The following CLSTN2 variants were observed in gnomAD, a reference collection of about 807,000 sequenced individuals.
CLSTN2 encodes the protein calsyntenin-2.
A neutral mutation model predicts 101.2 loss-of-function variants in CLSTN2; 48 were observed. The observed-to-expected ratio is 0.47, with a 90% CI of 0.38 to 0.60. The LOEUF is 0.60. Ranked by LOEUF, CLSTN2 falls within the 20% of genes least tolerant of loss-of-function variation. CLSTN2 has a pLI of 0.00. For missense variants in CLSTN2, 1,160 were observed against 1,238.2 expected (o/e 0.94, Z 0.95); for synonymous variants, 481 against 463.6 (o/e 1.04, Z -0.48).
intron 1 of CLSTN2, among the ~76,000 whole-genome samples, chr3:140,034,656 CT>C (rs538521125): frequency 6.6e-6 from 1 of 152,338 alleles, no homozygotes; most frequent in African/African-American, 2.4e-5. Flanking sequence ...GCCTCCAAAG[CT>C]CTGGGAGAGT....
intron 1 of CLSTN2, among the ~76,000 whole-genome samples, chr3:140,068,915 C>T (rs907510278): frequency 1.3e-5 from 2 of 152,212 alleles, no homozygotes; most frequent in Middle Eastern, 3.2e-3. Context: ...ATTTTTGTCA[C>T]TTCAGTCATA....
At chr3:140,334,638 T>G (rs910490305) in intron 2 of CLSTN2, among the ~76,000 whole-genome samples, 3 of 152,162 alleles carry the variant, frequency 2.0e-5, no homozygotes, top group African/African-American at 7.2e-5. Context: ...AATGACAGAA[T>G]GAAGGGACAT....
At chr3:140,348,471 C>G (rs2087572443) in intron 2 of CLSTN2, among the ~76,000 whole-genome samples, 2 of 152,152 alleles carry the variant, frequency 1.3e-5, no homozygotes, top group Non-Finnish European at 2.9e-5. Context: ...GGCAGTACCC[C>G]CTACCCCAGT....
intron 8 of CLSTN2, among the ~76,000 whole-genome samples, chr3:140,521,514 G>C (rs1484846493): frequency 2.0e-5 from 3 of 152,190 alleles, no homozygotes; most frequent in African/African-American, 7.2e-5. Flanking sequence ...CCATCCTGCA[G>C]TTTAGTGACC....
intron 2 of CLSTN2, among the ~76,000 whole-genome samples, chr3:140,222,874 GA>G (rs3035937): frequency 0.069 from 9,897 of 143,160 alleles, 630 homozygotes; most frequent in African/African-American, 0.18. Context: ...AAAATTTTAA[GA>G]AAAAAAAAAA....
intron 12 of CLSTN2, among the ~76,000 whole-genome samples, chr3:140,560,260 C>T (rs186172059): frequency 1.2e-3 from 185 of 152,318 alleles, no homozygotes; most frequent in Non-Finnish European, 2.0e-3. Context: ...TGCCCCCAGG[C>T]CTCAGTGACC....
intron 8 of CLSTN2, among the ~76,000 whole-genome samples, chr3:140,529,828 T>C (rs1167592425): frequency 6.6e-6 from 1 of 152,200 alleles, no homozygotes; most frequent in Non-Finnish European, 1.5e-5. Flanking sequence ...CCTGTTGATG[T>C]TGGAGAATAT....
At chr3:140,124,891 G>A (rs1482120513) in intron 1 of CLSTN2, among the ~76,000 whole-genome samples, 2 of 152,200 alleles carry the variant, frequency 1.3e-5, no homozygotes, top group African/African-American at 4.8e-5. Flanking sequence ...TTGGCCAACA[G>A]TGAGTCCAGG....
chr3:140,030,029 C>G (rs970159823), intron 1 of CLSTN2, among the ~76,000 whole-genome samples: 1 of 152,142 alleles, frequency 6.6e-6, no homozygotes, highest in African/African-American at 2.4e-5. Flanking sequence ...TGGTCCTTTG[C>G]TTTTGTTCAG....
chr3:140,479,013 G>A (rs940517523), intron 8 of CLSTN2, among the ~76,000 whole-genome samples: 5 of 152,144 alleles, frequency 3.3e-5, no homozygotes, highest in African/African-American at 1.2e-4. Flanking sequence ...ATGCAGGAAA[G>A]GAGGTCAAAA....
chr3:140,261,362 A>G (rs760568073), intron 2 of CLSTN2, among the ~76,000 whole-genome samples: 2 of 152,158 alleles, frequency 1.3e-5, no homozygotes, highest in Admixed American at 6.5e-5. Flanking sequence ...GTTAACAGCT[A>G]TGGCCATGGG....
rs1935012796 is a variant in CLSTN2 at position 139,935,982 on chromosome 3, C to T, written c.109+499C>T. Among the ~76,000 whole-genome samples the T allele has an allele frequency of 6.6e-6, 1 of 151,922 alleles. No individual in the cohort carries two copies. The highest frequency in any genetic ancestry group is 1.5e-5 in the Non-Finnish European group (1 of 67,928). ...GGCCCCGCTGACACTCCTCAAGCTC[C>T]CCCAGGGCGTCTCTGACTCCCCGGG... On this transcript the variant is annotated intron_variant, in intron 1 of 16. Transcript: ENST00000458420. This position sits in a 1 kb window ranked among gnomAD's most constrained non-coding sequence, Gnocchi z 5.5.
At chr3:140,380,696 C>T (rs1312101368) in intron 2 of CLSTN2, among the ~76,000 whole-genome samples, 1 of 152,152 alleles carries the variant, frequency 6.6e-6, no homozygotes, top group African/African-American at 2.4e-5. Flanking sequence ...CATAACTCCT[C>T]ACTCATTCAG....
intron 1 of CLSTN2, among the ~76,000 whole-genome samples, chr3:140,009,366 T>G (rs1271662484): frequency 6.6e-6 from 1 of 152,204 alleles, no homozygotes; most frequent in Non-Finnish European, 1.5e-5. Context: ...AAAAATTAGA[T>G]AGTTCAGATA....
intron 9 of CLSTN2, among the ~76,000 whole-genome samples, chr3:140,544,762 A>C (rs1376206406): frequency 6.6e-6 from 1 of 151,648 alleles, no homozygotes; most frequent in Non-Finnish European, 1.5e-5. Context: ...TATGCAGGGG[A>C]GGGGTCCCAG....
chr3:140,080,619 C>G (rs941653546), intron 1 of CLSTN2, among the ~76,000 whole-genome samples: 4 of 152,106 alleles, frequency 2.6e-5, no homozygotes, highest in African/African-American at 9.7e-5. Flanking sequence ...CTCTGCTTCC[C>G]CCTATTATTT....
At chr3:140,297,441 T>C (rs1439627649) in intron 2 of CLSTN2, among the ~76,000 whole-genome samples, 1 of 152,196 alleles carries the variant, frequency 6.6e-6, no homozygotes, top group Non-Finnish European at 1.5e-5. Context: ...TTTCCACCAA[T>C]AACATTTACT....
In CLSTN2 at chr3:140,439,694, A is replaced by C. The variant is rs576478374; in HGVS notation, c.788-8825A>C. Among the ~76,000 whole-genome samples, 15 of 152,326 alleles carry C rather than the reference A, an allele frequency of 9.8e-5. No individual in the cohort carries two copies. In the South Asian group the frequency reaches 3.1e-3, roughly 32 times the overall value. ...ATTCAGGTGGGTGGGGGGTGTGCAC[A>C]CATACACAGCACACACATGTGCACA... On this transcript the variant is annotated intron_variant, in intron 5 of 16. Coordinates refer to ENST00000458420, the MANE Select transcript of CLSTN2 (RefSeq NM_022131.3).
chr3:140,493,701 G>C (rs1341891374), intron 8 of CLSTN2, among the ~76,000 whole-genome samples: 1 of 152,192 alleles, frequency 6.6e-6, no homozygotes, highest in African/African-American at 2.4e-5. Flanking sequence ...TCTGTGCTAG[G>C]ATCTGCTCTA....
Sources: allele counts gnomAD v4.1 joint callset (sites outside exome capture counted in the v4.1 genomes callset), GRCh38; gene constraint gnomAD v4.1.1; non-coding constraint Gnocchi (gnomAD v3.1); transcripts MANE v1.5; gene names NCBI Gene and HGNC (gene_info 2026-07-23, HGNC 2026-07-21).